Variants in KLHL29 observed in about 807,000 individuals in gnomAD.
The protein encoded by KLHL29 is kelch-like protein 29.
Under a neutral mutation model 80.4 loss-of-function variants are expected in KLHL29, and 21 were observed. That is an observed-to-expected ratio of 0.26 (90% CI 0.19 to 0.38). KLHL29 has a LOEUF of 0.38. KLHL29 is among the 10% of genes least tolerant of loss of function. The probability of loss-of-function intolerance (pLI) is 1.00; values close to 1 mark genes in which losing one functional copy is unlikely to be tolerated. For synonymous variants in KLHL29, 511 were observed against 526.8 expected, an observed-to-expected ratio of 0.97 and a Z score of 0.41; for missense variants, 867 against 1,223.9, an observed-to-expected ratio of 0.71 and a Z score of 4.35.
At chr2:23,499,444 C>CTTA (rs1665367034) in intron 2 of KLHL29, among the ~76,000 whole-genome samples, 1 of 152,126 alleles carries the variant, frequency 6.6e-6, no homozygotes, top group Admixed American at 6.5e-5. Flanking sequence ...TGAATAGATA[C>CTTA]TTATGTTCTT....
In KLHL29 at chr2:23,680,472, C is replaced by T. The variant is rs910652852; in HGVS notation, c.941-3927C>T. On this transcript the variant is annotated intron_variant, in intron 5 of 13. Transcript: ENST00000486442. The surrounding 1 kb of genome is among the most constrained non-coding windows in gnomAD (Gnocchi z 4.1). ...GTCCCACAGACGTAGGCGGGCATCC[C>T]GCTCAAAGCCGAGGAGACCCAAAAA... 7.2e-5 allele frequency among the ~76,000 whole-genome samples: 11 copies of T among 152,218 alleles called. No individual in the cohort carries two copies. The highest frequency in any genetic ancestry group is 1.4e-4 in the African/African-American group (6 of 41,458).
Position 23,504,149 on chromosome 2 carries a change from G to A in KLHL29, c.-46+28482G>A, listed in dbSNP as rs183403774. On this transcript the variant is annotated intron_variant, in intron 2 of 13. Coordinates refer to ENST00000486442, the MANE Select transcript of KLHL29 (RefSeq NM_052920.2). ...TCAAGGGAAGAGAAGGTTATGCTTC[G>A]TATACTGTGTTCAGGGGCCAGATAA... is the stretch of plus-strand genomic sequence containing the variant. 2.6e-4 allele frequency among the ~76,000 whole-genome samples: 40 copies of A among 152,320 alleles called. No homozygotes were observed. In the East Asian group the frequency reaches 5.2e-3, roughly 20 times the overall value.
rs138963689 is a variant in KLHL29 at position 23,457,672 on chromosome 2, A to T, written c.-153-17888A>T. On this transcript the variant is annotated intron_variant, in intron 1 of 13. Coordinates refer to ENST00000486442, the MANE Select transcript of KLHL29 (RefSeq NM_052920.2). The surrounding 1 kb of genome is among the most constrained non-coding windows in gnomAD (Gnocchi z 4.3). ...CCAGGAACAAGGTCCCTGCAGTCAG[A>T]TGAAAGGTCCCCTCCTTGCCTGGCA... 2.2e-3 allele frequency among the ~76,000 whole-genome samples: 339 copies of T among 152,300 alleles called. 1 individual carries two copies. The highest frequency in any genetic ancestry group is 7.9e-3 in the African/African-American group (330 of 41,568).
rs1345390139 is a variant in KLHL29 at position 23,385,413 on chromosome 2, C to G, written c.-521C>G. 2.0e-5 allele frequency: 3 copies of G among 152,606 alleles called. No homozygotes were observed. The highest frequency in any genetic ancestry group is 4.5e-5 in the Non-Finnish European group (3 of 66,602). The allele number at this position is 152,606 out of a possible 1,614,324, so 9.5% of individuals were successfully genotyped here. A position where few individuals can be genotyped will look rare whatever the true frequency, so the allele number is the denominator to read the frequency against. ...GCCAGCCCCAGCCCCGCGGCCGCCG[C>G]GGCTGCGGGGAGAGGGCGGGGGCGA... On this transcript the variant is annotated 5_prime_UTR_variant, in exon 1 of 14. Coordinates refer to ENST00000486442, the MANE Select transcript of KLHL29 (RefSeq NM_052920.2).
intron 2 of KLHL29, among the ~76,000 whole-genome samples, chr2:23,516,581 G>T (rs1344081854): frequency 6.6e-6 from 1 of 152,168 alleles, no homozygotes; most frequent in Non-Finnish European, 1.5e-5. Context: ...CAGCCTCTGG[G>T]GTCTAGCCAG....
At chr2:23,663,323 C>T (rs574634522) in intron 5 of KLHL29, among the ~76,000 whole-genome samples, 5 of 152,298 alleles carry the variant, frequency 3.3e-5, no homozygotes, top group Middle Eastern at 3.4e-3. Context: ...GCCTGCCTTA[C>T]GCCCCAGCCC....
At chr2:23,640,550 A>G (rs1394637523) in intron 4 of KLHL29, among the ~76,000 whole-genome samples, 1 of 152,150 alleles carries the variant, frequency 6.6e-6, no homozygotes, top group East Asian at 1.9e-4. Flanking sequence ...CTGGCTCATA[A>G]TGACACCACC....
At chr2:23,529,598 C>G (rs1666431508) in intron 2 of KLHL29, among the ~76,000 whole-genome samples, 1 of 152,032 alleles carries the variant, frequency 6.6e-6, no homozygotes, top group Non-Finnish European at 1.5e-5. Context: ...CACCAAAGCA[C>G]AGGCTTGGTA....
chr2:23,666,138 C>A (rs1046931765), intron 5 of KLHL29, among the ~76,000 whole-genome samples: 3 of 152,246 alleles, frequency 2.0e-5, no homozygotes, highest in African/African-American at 4.8e-5. Flanking sequence ...TGAGCACCTA[C>A]CCTGCACAAC....
At chr2:23,477,913 G>A (rs1664681672) in intron 2 of KLHL29, among the ~76,000 whole-genome samples, 2 of 152,198 alleles carry the variant, frequency 1.3e-5, no homozygotes. Context: ...CCCTTAGTTT[G>A]GGGTCTAATC....
chr2:23,431,263 A>G (rs1386269746), intron 1 of KLHL29, among the ~76,000 whole-genome samples: 1 of 152,190 alleles, frequency 6.6e-6, no homozygotes, highest in Admixed American at 6.5e-5. Context: ...TGGGTCCTTT[A>G]TCTAAATGTG....
intron 2 of KLHL29, among the ~76,000 whole-genome samples, chr2:23,510,108 T>C (rs1572366201): frequency 6.6e-6 from 1 of 151,664 alleles, no homozygotes; most frequent in Non-Finnish European, 1.5e-5. Context: ...GAGACGGAGG[T>C]GGAGCTGAGA....
At chr2:23,573,379 G>A (rs1043341313) in intron 3 of KLHL29, among the ~76,000 whole-genome samples, 1 of 152,076 alleles carries the variant, frequency 6.6e-6, no homozygotes, top group Non-Finnish European at 1.5e-5. Flanking sequence ...ATAACTCTCC[G>A]AGTAATTATT....
At chr2:23,578,222 C>T (rs1667891507) in intron 3 of KLHL29, among the ~76,000 whole-genome samples, 1 of 152,134 alleles carries the variant, frequency 6.6e-6, no homozygotes, top group Non-Finnish European at 1.5e-5. Context: ...CACATTAATC[C>T]TAGCTGGGGT....
intron 1 of KLHL29, among the ~76,000 whole-genome samples, chr2:23,460,950 G>A (rs1009270141): frequency 1.6e-4 from 25 of 152,230 alleles, no homozygotes; most frequent in Admixed American, 1.6e-3. Context: ...GAGTAGCTGT[G>A]GCCATAGATA....
intron 7 of KLHL29, among the ~76,000 whole-genome samples, chr2:23,692,517 A>G (rs1412596241): frequency 6.6e-6 from 1 of 152,222 alleles, no homozygotes; most frequent in African/African-American, 2.4e-5. Flanking sequence ...AGAAAGCCAG[A>G]GCCCAGCCTA....
chr2:23,541,779 A>C (rs1237893087), intron 2 of KLHL29, among the ~76,000 whole-genome samples: 1 of 151,958 alleles, frequency 6.6e-6, no homozygotes. Context: ...AAACAAAAAA[A>C]AAAAAACCAT....
intron 3 of KLHL29, among the ~76,000 whole-genome samples, chr2:23,563,993 T>C (rs1290851002): frequency 6.6e-6 from 1 of 152,242 alleles, no homozygotes; most frequent in African/African-American, 2.4e-5. Flanking sequence ...GGCCAGCCGC[T>C]GGACCTGCTG....
intron 3 of KLHL29, among the ~76,000 whole-genome samples, chr2:23,597,307 A>ATGTGTG (rs1454960849): frequency 0.036 from 3,829 of 106,272 alleles, 198 homozygotes; most frequent in Admixed American, 0.15. Context: ...ATATATATAT[A>ATGTGTG]TATGTGTGTG....
Sources: gnomAD v4.1 joint callset for allele counts (sites outside exome capture counted in the v4.1 genomes callset) on GRCh38, gnomAD v4.1.1 for gene constraint, Gnocchi (gnomAD v3.1) non-coding constraint, MANE v1.5 for transcripts, NCBI Gene and HGNC (gene_info 2026-07-23, HGNC 2026-07-21) for gene names.